BROX: variants seen among roughly 807,000 people sequenced by gnomAD.
The protein encoded by BROX is BRO1 domain-containing protein BROX.
BROX carries 53 observed loss-of-function variants against 61.0 expected under a neutral mutation model. The ratio of observed to expected loss-of-function variants is 0.87; its 90% CI spans 0.70 to 1.09. BROX has a LOEUF of 1.09. BROX is among the 50% of genes least tolerant of loss of function. BROX has a pLI of 0.00. For synonymous variants in BROX, 152 were observed against 160.2 expected, an observed-to-expected ratio of 0.95 and a Z score of 0.38; for missense variants, 489 against 472.0, an observed-to-expected ratio of 1.04 and a Z score of -0.33.
intron 9 of BROX, among the ~76,000 whole-genome samples, 184 bp downstream of exon 9, chr1:222,729,012 T>C (rs1233730381): frequency 6.6e-6 from 1 of 152,146 alleles, no homozygotes; most frequent in Non-Finnish European, 1.5e-5. Flanking sequence ...AAAGAGATGA[T>C]GTAGGATTGT....
At chr1:222,714,138 G>A (rs550573557) in intron 1 of BROX, among the ~76,000 whole-genome samples, 21 of 151,608 alleles carry the variant, frequency 1.4e-4, no homozygotes, top group African/African-American at 4.8e-4. Context: ...CCATGTTTAG[G>A]TCTTCGCCTG....
At chr1:222,720,224 T>A (rs1656966372) in intron 4 of BROX, among the ~76,000 whole-genome samples, 1 of 152,228 alleles carries the variant, frequency 6.6e-6, no homozygotes, top group Non-Finnish European at 1.5e-5. Flanking sequence ...GTGAAGTGAC[T>A]GACAACAGTA....
intron 10 of BROX, 88 bp from the exon 11 acceptor site, chr1:222,729,939 G>T: frequency 7.8e-7 from 1 of 1,284,046 alleles, no homozygotes. Context: ...AGCAGTAAAT[G>T]TCTTATCACC....
chr1:222,717,708 T>C (rs1571964202), intron 2 of BROX: 1 of 152,244 alleles, frequency 6.6e-6, no homozygotes, highest in East Asian at 1.9e-4. Context: ...TACTAATCAA[T>C]AAGACTCAAG....
intron 5 of BROX, among the ~76,000 whole-genome samples, chr1:222,723,489 T>A (rs958150015): frequency 1.3e-5 from 2 of 152,152 alleles, no homozygotes; most frequent in Non-Finnish European, 2.9e-5. Context: ...TTGTAGTATC[T>A]TCTTTTTGGA....
At chr1:222,717,860 A>C (rs1042562610) in intron 2 of BROX, 9 of 152,196 alleles carry the variant, frequency 5.9e-5, no homozygotes, top group Non-Finnish European at 1.2e-4. Context: ...TATCCTAGGC[A>C]CCTACCAAAT....
intron 4 of BROX, among the ~76,000 whole-genome samples, chr1:222,721,662 T>G (rs1247217841): frequency 6.6e-6 from 1 of 152,216 alleles, no homozygotes; most frequent in East Asian, 1.9e-4. Flanking sequence ...CCATCTTTAT[T>G]TCATACTTCA....
In BROX at chr1:222,731,532, T is replaced by C. The variant is rs1337542448; in HGVS notation, c.1149+16T>C. Reference sequence around the variant, plus strand: ...GGATGACAGTGTATGAGATTGTTTTTTTTTTTCCCTCTCATTCACAAAAGT... The same window carrying C: ...GGATGACAGTGTATGAGATTGTTTTCTTTTTTCCCTCTCATTCACAAAAGT... On this transcript the variant is annotated intron_variant, in intron 12 of 12. Coordinates refer to ENST00000340934, the MANE Select transcript of BROX (RefSeq NM_144695.4). 6.4e-7 allele frequency: 1 copy of C among 1,571,054 alleles called. No homozygotes were observed.
Position 222,712,592 on chromosome 1 carries a change from C to T in BROX, c.-367C>T. ...GCGCCGAGGGCCGCCATCGCTATTG[C>T]GGCATTCTCCCTCGGCTCCGGAGGT... On this transcript the variant is annotated 5_prime_UTR_variant, in exon 1 of 13. Transcript: ENST00000340934. 1 of 1,360,302 alleles carries T rather than the reference C, an allele frequency of 7.4e-7. No individual in the cohort carries two copies. Among genetic ancestry groups the T allele is most frequent in the South Asian group, 1.4e-5 (1 of 69,022 alleles). The allele number at this position is 1,360,302 out of a possible 1,614,324, so 84.3% of individuals were successfully genotyped here.
intron 1 of BROX, 95 bp downstream of exon 1, chr1:222,713,037 C>A: frequency 8.7e-7 from 1 of 1,155,700 alleles, no homozygotes; most frequent in African/African-American, 1.6e-5. Flanking sequence ...ACATTAGTCT[C>A]CATAGACCCC....
chr1:222,720,082 G>C (rs969353557), intron 4 of BROX, among the ~76,000 whole-genome samples: 3 of 152,154 alleles, frequency 2.0e-5, no homozygotes, highest in African/African-American at 7.2e-5. Flanking sequence ...ACAACGAAAA[G>C]AGTATGAACA....
chr1:222,718,499 CAGAT>C (rs1400106658), intron 2 of BROX, among the ~76,000 whole-genome samples: 7 of 152,074 alleles, frequency 4.6e-5, no homozygotes, highest in African/African-American at 1.7e-4. Flanking sequence ...AAATGATACA[CAGAT>C]AAATTTTCAT....
intron 10 of BROX, 85 bp from the exon 11 acceptor site, chr1:222,729,942 T>C (rs1431045511): frequency 7.6e-7 from 1 of 1,318,392 alleles, no homozygotes; most frequent in African/African-American, 1.5e-5. Context: ...AGTAAATGTC[T>C]TATCACCTCC....
At chr1:222,715,870 T>C (rs539297080) in intron 2 of BROX, 70 bp downstream of exon 2, 10 of 743,850 alleles carry the variant, frequency 1.3e-5, no homozygotes, top group Non-Finnish European at 2.0e-5. Flanking sequence ...TACAGAAATA[T>C]GTAACACACT....
Position 222,727,228 on chromosome 1 carries a change from A to G in BROX, c.641A>G (p.Tyr214Cys), listed in dbSNP as rs1657573662. 2 of 1,613,304 alleles carry G rather than the reference A, an allele frequency of 1.2e-6. No individual in the cohort carries two copies. The highest frequency in any genetic ancestry group is 8.5e-7 in the Non-Finnish European group (1 of 1,179,484). The change falls in exon 8 of 13, where the codon TAT becomes TGT. Residue 214 changes from tyrosine (Y) to cysteine (C), a missense_variant. Physicochemically the swap from Tyr to Cys is radical, Grantham distance 194 (BLOSUM62 -2). Coordinates refer to ENST00000340934, the MANE Select transcript of BROX (RefSeq NM_144695.4). ...HAPGLIAALA[Y>C]ETANFYQKAD... Reference sequence around the variant, plus strand: ...CCTGGACTAATTGCTGCACTGGCGTATGAAACAGCCAATTTCTATCAAAAA... The same window carrying G: ...CCTGGACTAATTGCTGCACTGGCGTGTGAAACAGCCAATTTCTATCAAAAA...
At chr1:222,725,697 C>A in intron 7 of BROX, 142 bp downstream of exon 7, 1 of 532,728 alleles carries the variant, frequency 1.9e-6, no homozygotes, top group Non-Finnish European at 3.1e-6. Flanking sequence ...CTCACTTGAG[C>A]CCAGGAGTTC....
rs1476612702 is a variant in BROX at position 222,713,199 on chromosome 1, A to G, written c.-17+257A>G. 3.0e-6 allele frequency: 3 copies of G among 984,504 alleles called. No homozygotes were observed. The African/African-American group carries it at 5.2e-5, about 17-fold the overall frequency. 61.0% of individuals were successfully genotyped at this position (984,504 alleles called of 1,614,324 possible). On this transcript the variant is annotated intron_variant, in intron 1 of 12. Coordinates refer to ENST00000340934, the MANE Select transcript of BROX (RefSeq NM_144695.4). ...CATTGGTCATTGGAGAGCTTATAAT[A>G]CAAGCTAAACTGGGGTTCGTTCGGC...
At chr1:222,730,726 A>G (rs1657871034) in intron 11 of BROX, among the ~76,000 whole-genome samples, 1 of 152,322 alleles carries the variant, frequency 6.6e-6, no homozygotes, top group East Asian at 1.9e-4. Flanking sequence ...AACATGAGTT[A>G]TTAACGTAGA....
chr1:222,727,752 A>G (rs1205707094), intron 8 of BROX, among the ~76,000 whole-genome samples: 1 of 152,198 alleles, frequency 6.6e-6, no homozygotes, highest in Non-Finnish European at 1.5e-5. Flanking sequence ...GAAGAAGACA[A>G]ACATGTAACC....
Sources: gnomAD v4.1 joint callset for allele counts (sites outside exome capture counted in the v4.1 genomes callset) on GRCh38, gnomAD v4.1.1 for gene constraint, MANE v1.5 for transcripts, NCBI Gene and HGNC (gene_info 2026-07-23, HGNC 2026-07-21) for gene names.